Variants in MRPL45 observed in about 807,000 individuals in gnomAD.
The protein encoded by MRPL45 is large ribosomal subunit protein mL45.
A neutral mutation model predicts 38.1 loss-of-function variants in MRPL45; 20 were observed. The observed-to-expected ratio is 0.53, with a 90% CI of 0.37 to 0.76. The LOEUF is 0.76. MRPL45 is among the 30% of genes least tolerant of loss of function. The probability of loss-of-function intolerance (pLI) is 0.00; values close to 1 mark genes in which losing one functional copy is unlikely to be tolerated. For missense variants in MRPL45, 337 were observed against 395.6 expected (o/e 0.85, Z 1.26); for synonymous variants, 105 against 128.8 (o/e 0.82, Z 1.25).
intron 4 of MRPL45, among the ~76,000 whole-genome samples, chr17:38,316,666 G>A (rs1291232457): frequency 1.3e-5 from 2 of 148,904 alleles, no homozygotes; most frequent in African/African-American, 5.0e-5. Context: ...AAAAAAGCTG[G>A]GTGTGGTGGC....
At chr17:38,308,839 T>C (rs2037079900) in intron 4 of MRPL45, among the ~76,000 whole-genome samples, 2 of 152,136 alleles carry the variant, frequency 1.3e-5, no homozygotes, top group South Asian at 4.1e-4. Context: ...GCGTTACTGT[T>C]GTTTCTGTTG....
rs763800639 is a variant in MRPL45, at chr17:38,318,759, C to T, written c.510+24C>T. On this transcript the variant is annotated intron_variant, in intron 5 of 7. Transcript: ENST00000613675. Reference sequence around the variant, plus strand: ...CAGTAAGTTCTCATCCTCCTTAGAACTGTGGGGTGACTGAGTGGGCAGATT... The same window carrying T: ...CAGTAAGTTCTCATCCTCCTTAGAATTGTGGGGTGACTGAGTGGGCAGATT... 11 of 1,565,744 alleles carry T rather than the reference C, an allele frequency of 7.0e-6. No homozygotes were observed. The South Asian group carries it at 1.2e-4, about 17-fold the overall frequency.
At chr17:38,309,629 T>A (rs2037090979) in intron 4 of MRPL45, among the ~76,000 whole-genome samples, 2 of 151,728 alleles carry the variant, frequency 1.3e-5, no homozygotes, top group African/African-American at 4.8e-5. Context: ...TTTTATTTTT[T>A]AGTTTTTTTT....
At chr17:38,305,248 C>A (rs959535179) in intron 3 of MRPL45, among the ~76,000 whole-genome samples, 1 of 124,814 alleles carries the variant, frequency 8.0e-6, no homozygotes, top group African/African-American at 2.6e-5. Context: ...GCAGGCAGAT[C>A]ACAAGGACAG....
At chr17:38,313,288 CCTTT>C (rs1383839385) in intron 4 of MRPL45, among the ~76,000 whole-genome samples, 11 of 84,012 alleles carry the variant, frequency 1.3e-4, no homozygotes, top group South Asian at 4.8e-4. Context: ...TAGCCACTTT[CCTTT>C]CTATTAAAAA....
chr17:38,320,515 G>A (rs1414801154), intron 5 of MRPL45, 103 bp from the exon 6 acceptor site: 2 of 1,223,448 alleles, frequency 1.6e-6, no homozygotes, highest in Non-Finnish European at 2.3e-6. Flanking sequence ...GAAACGTGCT[G>A]CCTGTTGGCT....
chr17:38,299,448 G>A lies in MRPL45; in HGVS notation c.342G>A (p.Lys114=), dbSNP rs1430834360. Residue 114 remains lysine (K), a synonymous_variant, in exon 3 of 8, where the codon AAG becomes AAA. Coordinates refer to ENST00000613675, the MANE Select transcript of MRPL45 (RefSeq NM_032351.6). ...GLIERTERMK[K]TMASQVSIRR... ...TAGAGAGAACTGAACGAATGAAGAA[G>A]ACTATGGCATCACAAGTGTCGTAGG... 2 of 1,604,664 alleles carry A rather than the reference G, an allele frequency of 1.2e-6. No individual in the cohort carries two copies. The highest frequency in any genetic ancestry group is 1.8e-5 in the Admixed American group (1 of 56,542).
At chr17:38,305,148 C>CTTGAGCA (rs1400123436) in intron 3 of MRPL45, among the ~76,000 whole-genome samples, 2 of 145,046 alleles carry the variant, frequency 1.4e-5, no homozygotes. Context: ...CCCGGCCTGT[C>CTTGAGCA]TTTGTAACTT....
At chr17:38,321,595 G>T (rs1279791062) in intron 6 of MRPL45, among the ~76,000 whole-genome samples, 1 of 152,082 alleles carries the variant, frequency 6.6e-6, no homozygotes, top group African/African-American at 2.4e-5. Context: ...GGAGGCTGAG[G>T]CAGGAGAATC....
chr17:38,318,429 A>T (rs911881026), intron 4 of MRPL45, among the ~76,000 whole-genome samples: 3 of 151,732 alleles, frequency 2.0e-5, no homozygotes, highest in Non-Finnish European at 4.4e-5. Context: ...CTTAGATTTA[A>T]ACATAATTTT....
Position 38,322,563 on chromosome 17 carries a change from C to T in MRPL45, c.889C>T (p.Gln297Ter). The T allele has an allele frequency of 6.2e-7, 1 of 1,613,508 alleles. No individual in the cohort carries two copies. ...LKPEEEYEEA[Q>*]GEAQKPQLA ...ACCAGAAGAAGAATATGAAGAGGCA[C>T]AAGGAGAGGCCCAGAAGCCTCAGCT... is the stretch of plus-strand genomic sequence containing the variant. Residue 297 changes from glutamine (Q) to a stop codon, truncating the protein, a stop_gained, in exon 8 of 8, where the codon CAA (glutamine) becomes TAA (stop). Transcript: ENST00000613675. LOFTEE classifies it high-confidence loss of function.
At position 38,316,131 on chromosome 17, in the gene MRPL45, C is replaced by T. The variant is rs568516368; in HGVS notation, c.462-2556C>T. On this transcript the variant is annotated intron_variant, in intron 4 of 7. Coordinates refer to ENST00000613675, the MANE Select transcript of MRPL45 (RefSeq NM_032351.6). Reference sequence around the variant, plus strand: ...TTTCTTTCTTCTTTTTCTGGGACTCCTATGATGTGTATTTGGTATACTTGA... The same window carrying T: ...TTTCTTTCTTCTTTTTCTGGGACTCTTATGATGTGTATTTGGTATACTTGA... Among the ~76,000 whole-genome samples the T allele has an allele frequency of 3.3e-5, 5 of 152,128 alleles. No individual in the cohort carries two copies. The East Asian group carries it at 9.7e-4, about 29-fold the overall frequency.
Position 38,316,955 on chromosome 17 carries a change from A to T in MRPL45, c.462-1732A>T, listed in dbSNP as rs142258002. Among the ~76,000 whole-genome samples, 1,211 of 151,808 alleles carry T rather than the reference A, an allele frequency of 8.0e-3. 15 individuals carry two copies. Among genetic ancestry groups the T allele is most frequent in the African/African-American group, 0.027 (1,135 of 41,386 alleles). On this transcript the variant is annotated intron_variant, in intron 4 of 7. Transcript: ENST00000613675. ...TGAGACTCCAGGTGTGTGCCACTGT[A>T]CCTGGCTAATTTTTGTATTTTTAGT...
At chr17:38,300,989 C>G (rs2036989910) in intron 3 of MRPL45, among the ~76,000 whole-genome samples, 1 of 152,132 alleles carries the variant, frequency 6.6e-6, no homozygotes, top group Non-Finnish European at 1.5e-5. Flanking sequence ...TATTACCTCC[C>G]TGCTTAGAAC....
chr17:38,319,921 T>G (rs927431684), intron 5 of MRPL45, among the ~76,000 whole-genome samples: 2 of 152,016 alleles, frequency 1.3e-5, no homozygotes, highest in African/African-American at 4.8e-5. Flanking sequence ...GCTAACATGG[T>G]GAAACCCCGT....
intron 5 of MRPL45, among the ~76,000 whole-genome samples, chr17:38,319,248 G>T (rs2037207349): frequency 6.6e-6 from 1 of 151,886 alleles, no homozygotes; most frequent in Non-Finnish European, 1.5e-5. Flanking sequence ...TGTTAGCCAG[G>T]ATGGTCTCGA....
At chr17:38,320,913 C>G in intron 6 of MRPL45, 146 bp downstream of exon 6, 1 of 744,122 alleles carries the variant, frequency 1.3e-6, no homozygotes, top group Non-Finnish European at 2.2e-6. Flanking sequence ...TGCCGCTGTC[C>G]CCTTCCCACT....
At chr17:38,297,801 A>C (rs958356145) in intron 1 of MRPL45, among the ~76,000 whole-genome samples, 4 of 152,174 alleles carry the variant, frequency 2.6e-5, no homozygotes, top group Admixed American at 6.6e-5. Flanking sequence ...CTTATGCTTT[A>C]AGCATAGCAT....
intron 4 of MRPL45, among the ~76,000 whole-genome samples, chr17:38,313,146 G>A (rs1597652215): frequency 6.7e-6 from 1 of 149,246 alleles, no homozygotes; most frequent in African/African-American, 2.5e-5. Flanking sequence ...CACCACACCC[G>A]GCTAATTTTT....
Sources: gnomAD v4.1 joint callset for allele counts (sites outside exome capture counted in the v4.1 genomes callset) on GRCh38, gnomAD v4.1.1 for gene constraint, MANE v1.5 for transcripts, NCBI Gene and HGNC (gene_info 2026-07-23, HGNC 2026-07-21) for gene names.